Variants in ZMAT4 observed in about 807,000 individuals in gnomAD.
ZMAT4 encodes zinc finger matrin-type 4.
ZMAT4 carries 17 observed loss-of-function variants against 28.7 expected under a neutral mutation model. The observed-to-expected ratio is 0.59, with a 90% CI of 0.41 to 0.89. The LOEUF is 0.89. ZMAT4 is among the 40% of genes least tolerant of loss of function. ZMAT4 has a pLI of 0.00. For synonymous variants in ZMAT4, 117 were observed against 109.2 expected, an observed-to-expected ratio of 1.07 and a Z score of -0.44; for missense variants, 240 against 283.8, an observed-to-expected ratio of 0.85 and a Z score of 1.11.
rs374625096 is a variant in ZMAT4, at chr8:40,556,094, T to A, written c.675-23856A>T. The stretch of plus-strand genomic sequence containing the variant: ...TATAGCAATTCCTTTTTCATCTCCT[T>A]CCTCCCACACTTACATTTTGTTGTT... On this transcript the variant is annotated intron_variant, in intron 6 of 6. Coordinates refer to ENST00000297737, the MANE Select transcript of ZMAT4 (RefSeq NM_024645.3). 5.3e-5 allele frequency among the ~76,000 whole-genome samples: 8 copies of A among 152,238 alleles called. No homozygotes were observed. The East Asian group carries it at 7.7e-4, about 15-fold the overall frequency.
intron 3 of ZMAT4, among the ~76,000 whole-genome samples, chr8:40,744,071 A>G (rs1361359808): frequency 1.3e-5 from 2 of 152,204 alleles, no homozygotes. Context: ...AATGCCCAGC[A>G]CTGAGCCCAG....
chr8:40,845,338 A>G (rs1285071426), intron 1 of ZMAT4, among the ~76,000 whole-genome samples: 1 of 152,146 alleles, frequency 6.6e-6, no homozygotes, highest in African/African-American at 2.4e-5. Context: ...AAACACTCTT[A>G]TTTCAAGATT....
At chr8:40,741,485 T>C (rs1397348305) in intron 3 of ZMAT4, among the ~76,000 whole-genome samples, 1 of 151,528 alleles carries the variant, frequency 6.6e-6, no homozygotes, top group African/African-American at 2.4e-5. Context: ...GAAACGATGA[T>C]CTTGCTAGTG....
At chr8:40,606,800 C>T (rs1805606143) in intron 5 of ZMAT4, among the ~76,000 whole-genome samples, 1 of 152,158 alleles carries the variant, frequency 6.6e-6, no homozygotes, top group Non-Finnish European at 1.5e-5. Context: ...AATATGTTTC[C>T]CAAACTTTTA....
At chr8:40,827,830 G>A (rs1816126420) in intron 1 of ZMAT4, among the ~76,000 whole-genome samples, 1 of 152,196 alleles carries the variant, frequency 6.6e-6, no homozygotes, top group Admixed American at 6.5e-5. Flanking sequence ...GAGGGCAGAA[G>A]CTCTAGTTGT....
chr8:40,781,488 C>A lies in ZMAT4; in HGVS notation c.103-13758G>T, dbSNP rs536822095. Among the ~76,000 whole-genome samples, 3 of 152,024 alleles carry A rather than the reference C, an allele frequency of 2.0e-5. No individual in the cohort carries two copies. In the South Asian group the frequency reaches 6.2e-4, roughly 32 times the overall value. Reference sequence around the variant, plus strand: ...TTAAGAATCCATAAATAAGGCCGGGCGCGGTGGCTCACGCCTGTAATCCCA... The same window carrying A: ...TTAAGAATCCATAAATAAGGCCGGGAGCGGTGGCTCACGCCTGTAATCCCA... On this transcript the variant is annotated intron_variant, in intron 2 of 6. Transcript: ENST00000297737.
At chr8:40,557,375 T>C (rs1803578480) in intron 6 of ZMAT4, among the ~76,000 whole-genome samples, 2 of 152,200 alleles carry the variant, frequency 1.3e-5, no homozygotes, top group Admixed American at 1.3e-4. Flanking sequence ...TCCTACCTCC[T>C]GCTAATGTCT....
intron 1 of ZMAT4, among the ~76,000 whole-genome samples, chr8:40,887,541 T>C (rs565826258): frequency 3.6e-4 from 54 of 150,254 alleles, no homozygotes; most frequent in African/African-American, 1.3e-3. Flanking sequence ...TGGTTTGGTA[T>C]AGGAAATTTG....
At chr8:40,702,296 T>G (rs535387640) in intron 3 of ZMAT4, among the ~76,000 whole-genome samples, 4 of 152,204 alleles carry the variant, frequency 2.6e-5, no homozygotes, top group Admixed American at 2.0e-4. Context: ...AAGGTTGATA[T>G]ATAGCCCGGG....
intron 3 of ZMAT4, among the ~76,000 whole-genome samples, chr8:40,721,960 T>G (rs1233860923): frequency 6.6e-6 from 1 of 151,956 alleles, no homozygotes; most frequent in African/African-American, 2.4e-5. Flanking sequence ...CTGGGAAAAC[T>G]GGCTAGCCAT....
At chr8:40,805,244 A>G (rs1163982470) in intron 2 of ZMAT4, among the ~76,000 whole-genome samples, 1 of 150,610 alleles carries the variant, frequency 6.6e-6, no homozygotes, top group Admixed American at 6.6e-5. Flanking sequence ...ATGAGATACC[A>G]TCTCACACCA....
At chr8:40,538,449 C>T (rs1162245973) in intron 6 of ZMAT4, among the ~76,000 whole-genome samples, 1 of 152,122 alleles carries the variant, frequency 6.6e-6, no homozygotes, top group Non-Finnish European at 1.5e-5. Context: ...CAAGCTACAC[C>T]CCGACCACCT....
chr8:40,865,399 C>T (rs1817640924), intron 1 of ZMAT4, among the ~76,000 whole-genome samples: 1 of 152,226 alleles, frequency 6.6e-6, no homozygotes, highest in Non-Finnish European at 1.5e-5. Context: ...CTGTGCTAGG[C>T]CGTGCAGATC....
At chr8:40,888,395 G>C (rs1818547178) in intron 1 of ZMAT4, 1 of 152,242 alleles carries the variant, frequency 6.6e-6, no homozygotes, top group Non-Finnish European at 1.5e-5. Context: ...CCACCTCTGA[G>C]GCTTGTAAAT....
intron 5 of ZMAT4, among the ~76,000 whole-genome samples, chr8:40,669,952 G>A (rs768657766): frequency 2.1e-4 from 32 of 152,110 alleles, no homozygotes; most frequent in Non-Finnish European, 3.7e-4. Context: ...TGGAAGACTC[G>A]ATACTTTGAA....
At chr8:40,832,159 G>A (rs979824349) in intron 1 of ZMAT4, among the ~76,000 whole-genome samples, 4 of 152,116 alleles carry the variant, frequency 2.6e-5, no homozygotes, top group South Asian at 2.1e-4. Context: ...CCTCCAGCTC[G>A]CGACCACCAT....
Position 40,531,786 on chromosome 8 carries a change from T to C in ZMAT4, c.*437A>G, listed in dbSNP as rs1378445822. 1 of 154,038 alleles carries C rather than the reference T, an allele frequency of 6.5e-6. No individual in the cohort carries two copies. Among genetic ancestry groups the C allele is most frequent in the Non-Finnish European group, 1.4e-5 (1 of 69,034 alleles). The allele number at this position is 154,038 out of a possible 1,614,324, so 9.5% of individuals were successfully genotyped here. ...TCTGTGCATGTCACCCTCAACTGTG[T>C]CCAACATGATGAGAAAAGAATGTAT... On this transcript the variant is annotated 3_prime_UTR_variant, in exon 7 of 7. Coordinates refer to ENST00000297737, the MANE Select transcript of ZMAT4 (RefSeq NM_024645.3).
intron 3 of ZMAT4, among the ~76,000 whole-genome samples, chr8:40,765,529 G>T (rs1037514307): frequency 2.6e-5 from 4 of 152,164 alleles, no homozygotes; most frequent in African/African-American, 9.7e-5. Flanking sequence ...TAAATCATTG[G>T]TAGATCAAGG....
intron 1 of ZMAT4, among the ~76,000 whole-genome samples, chr8:40,834,987 G>A (rs1011562457): frequency 6.6e-6 from 1 of 152,230 alleles, no homozygotes; most frequent in Non-Finnish European, 1.5e-5. Context: ...CCCAGCTGAT[G>A]GGTCCGGGCA....
Sources: allele counts gnomAD v4.1 joint callset (sites outside exome capture counted in the v4.1 genomes callset), GRCh38; gene constraint gnomAD v4.1.1; transcripts MANE v1.5; gene names NCBI Gene and HGNC (gene_info 2026-07-23, HGNC 2026-07-21).